CFH: variants seen among roughly 807,000 people sequenced by gnomAD.
The protein encoded by CFH is complement factor H.
CFH carries 53 observed loss-of-function variants against 147.3 expected under a neutral mutation model. That is an observed-to-expected ratio of 0.36 (90% CI 0.29 to 0.45). The LOEUF is 0.45. Among genes scored for constraint, CFH ranks in the 20% least tolerant of loss-of-function variants. The pLI is 1.00. For synonymous variants in CFH, 536 were observed against 489.4 expected, an observed-to-expected ratio of 1.10 and a Z score of -1.26; for missense variants, 1,380 against 1,498.0, an observed-to-expected ratio of 0.92 and a Z score of 1.30.
intron 9 of CFH, among the ~76,000 whole-genome samples, chr1:196,710,761 TCATA>T (rs1668706745): frequency 7.1e-6 from 1 of 141,704 alleles, no homozygotes; most frequent in African/African-American, 2.7e-5. Flanking sequence ...TTTAGTAAGA[TCATA>T]CAGTCTTACC....
Position 196,664,099 on chromosome 1 carries a change from CG to C in CFH, c.59-8877del, listed in dbSNP as rs1162042652. On this transcript the variant is annotated intron_variant, in intron 1 of 21. Coordinates refer to ENST00000367429, the MANE Select transcript of CFH (RefSeq NM_000186.4). ...TGTGACAGGGTCTCACCCTGTCTCT[CG>C]GCTGGAGTGCGGTGACATGATCATA... 2.0e-5 allele frequency among the ~76,000 whole-genome samples: 3 copies of C among 152,174 alleles called. No individual in the cohort carries two copies. In the East Asian group the frequency reaches 5.8e-4, roughly 29 times the overall value.
At chr1:196,694,347 T>C (rs536457682) in intron 9 of CFH, among the ~76,000 whole-genome samples, 1 of 152,240 alleles carries the variant, frequency 6.6e-6, no homozygotes, top group Non-Finnish European at 1.5e-5. Flanking sequence ...ATTCAATTTA[T>C]GGCTGCATAG....
At position 196,689,664 on chromosome 1, in the gene CFH, C is replaced by A. The variant is rs371278506; in HGVS notation, c.1159+50C>A. On this transcript the variant is annotated intron_variant, in intron 8 of 21. Coordinates refer to ENST00000367429, the MANE Select transcript of CFH (RefSeq NM_000186.4). ...ATATATGTATAAAACTTTCAAAGAT[C>A]GAAGAAAGGAGAGCACATAAGTGAT... 193 of 1,585,196 alleles carry A rather than the reference C, an allele frequency of 1.2e-4. 2 individuals are homozygous for A. The Middle Eastern group carries it at 2.2e-3, about 18-fold the overall frequency.
At chr1:196,681,812 A>G (rs1220199439) in intron 6 of CFH, among the ~76,000 whole-genome samples, 1 of 151,696 alleles carries the variant, frequency 6.6e-6, no homozygotes. Flanking sequence ...AAAGAATTCC[A>G]CTCTTTGTAT....
chr1:196,675,307 A>G (rs1434447049), intron 3 of CFH, among the ~76,000 whole-genome samples: 1 of 152,178 alleles, frequency 6.6e-6, no homozygotes, highest in Non-Finnish European at 1.5e-5. Flanking sequence ...TAAGTTCAAC[A>G]TTAGATGGCT....
Position 196,728,430 on chromosome 1 carries a change from A to G in CFH, c.2321A>G (p.Asn774Ser), listed in dbSNP as rs768578437. 18 of 1,610,862 alleles carry G rather than the reference A, an allele frequency of 1.1e-5. No homozygotes were observed. In the South Asian group the frequency reaches 1.8e-4, roughly 16 times the overall value. The stretch of plus-strand genomic sequence containing the variant: ...AAAAACAAGAAGGAATTCGATCATA[A>G]TTCTAACATAAGGTACAGATGTAGA... ...HLKNKKEFDH[N>S]SNIRYRCRGK... Residue 774 changes from asparagine to serine, a missense_variant, in exon 15 of 22, where the codon AAT (asparagine) becomes AGT (serine). By Grantham distance (46) the Asn-to-Ser change is conservative. Around this residue, in one of 4 missense-constraint regions of CFH, gnomAD observed 830 missense variants for 821.4 expected, o/e 1.01. Coordinates refer to ENST00000367429, the MANE Select transcript of CFH (RefSeq NM_000186.4).
chr1:196,652,471 G>A (rs1467362590), intron 1 of CFH, among the ~76,000 whole-genome samples: 1 of 151,832 alleles, frequency 6.6e-6, no homozygotes, highest in Admixed American at 6.6e-5. Flanking sequence ...ATCATAAAAT[G>A]TAATTTACTT....
chr1:196,716,877 A>G (rs1668881902), intron 11 of CFH, among the ~76,000 whole-genome samples: 1 of 152,078 alleles, frequency 6.6e-6, no homozygotes, highest in Non-Finnish European at 1.5e-5. Context: ...GAAAATCAAA[A>G]CTGGATATGT....
At chr1:196,715,502 T>C in intron 10 of CFH, 91 bp from the exon 11 acceptor site, 1 of 1,021,416 alleles carries the variant, frequency 9.8e-7, no homozygotes, top group East Asian at 2.4e-5. Context: ...GTAGATCTAA[T>C]CAATAAAGCT....
intron 5 of CFH, 128 bp from the exon 6 acceptor site, chr1:196,679,495 A>C: frequency 1.5e-6 from 1 of 664,418 alleles, no homozygotes; most frequent in African/African-American, 1.8e-5. Context: ...GTCAAGTCAA[A>C]ACAGAACTTT....
intron 10 of CFH, among the ~76,000 whole-genome samples, chr1:196,715,293 A>G (rs1445746293): frequency 1.4e-4 from 22 of 152,010 alleles, no homozygotes. Context: ...TATACCTGTA[A>G]TGGCCTGTTT....
rs145151370 is a variant in CFH at position 196,736,849 on chromosome 1, T to A, written c.2439T>A (p.Pro813=). ...CSMAQIQLCP[P]PPQIPNSHNM... is the part of the protein sequence containing the mutation. ...TGGCACAAATACAATTATGCCCACCTCCACCTCAGATTCCCAATTCTCACA... is the reference window on the plus strand; with the variant it reads ...TGGCACAAATACAATTATGCCCACCACCACCTCAGATTCCCAATTCTCACA... Residue 813 remains proline, a synonymous_variant, in exon 16 of 22, where the codon CCT becomes CCA. Transcript: ENST00000367429. 7.7e-5 allele frequency: 119 copies of A among 1,545,626 alleles called. No homozygotes were observed. Among genetic ancestry groups the A allele is most frequent in the Non-Finnish European group, 1.0e-4 (115 of 1,142,696 alleles).
chr1:196,689,351 T>A, intron 7 of CFH, 69 bp from the exon 8 acceptor site: 1 of 1,389,612 alleles, frequency 7.2e-7, no homozygotes, highest in Non-Finnish European at 1.0e-6. Context: ...GTGATAAAAA[T>A]TTATCTCTAA....
rs183353571 is a variant in CFH at position 196,702,869 on chromosome 1, T to C, written c.1337-10866T>C. 2.4e-4 allele frequency among the ~76,000 whole-genome samples: 37 copies of C among 152,176 alleles called. No homozygotes were observed. The East Asian group carries it at 6.8e-3, about 28-fold the overall frequency. On this transcript the variant is annotated intron_variant, in intron 9 of 21. Coordinates refer to ENST00000367429, the MANE Select transcript of CFH (RefSeq NM_000186.4). ...AAAGGAGTCTCAGTAAGGTCCAGGA[T>C]GGTCAAGCAGAAGCCTAATGAGGGT...
chr1:196,672,571 T>C (rs1040796241), intron 1 of CFH, among the ~76,000 whole-genome samples: 2 of 152,232 alleles, frequency 1.3e-5, no homozygotes, highest in African/African-American at 4.8e-5. Flanking sequence ...GGAAATGCTT[T>C]GAGAACAGAT....
intron 5 of CFH, 168 bp from the exon 6 acceptor site, chr1:196,679,455 A>C (rs1667576529): frequency 1.9e-6 from 1 of 516,330 alleles, no homozygotes; most frequent in East Asian, 3.2e-5. Flanking sequence ...CAGAATTTTA[A>C]CTTTCTTCAG....
chr1:196,706,891 T>C (rs1668603281), intron 9 of CFH, among the ~76,000 whole-genome samples: 1 of 152,154 alleles, frequency 6.6e-6, no homozygotes, highest in Non-Finnish European at 1.5e-5. Context: ...TAGCAGGAAA[T>C]TTTAAATACT....
At chr1:196,738,872 G>A (rs968610711) in intron 17 of CFH, among the ~76,000 whole-genome samples, 4 of 152,208 alleles carry the variant, frequency 2.6e-5, no homozygotes, top group African/African-American at 9.7e-5. Flanking sequence ...TGGCCTAGCA[G>A]AGGTTCTCCA....
At chr1:196,671,362 G>A (rs1388549963) in intron 1 of CFH, among the ~76,000 whole-genome samples, 4 of 151,462 alleles carry the variant, frequency 2.6e-5, no homozygotes, top group East Asian at 1.9e-4. Flanking sequence ...ATTCAAAATC[G>A]TATTTTTAAA....
Sources: allele counts gnomAD v4.1 joint callset (sites outside exome capture counted in the v4.1 genomes callset), GRCh38; gene constraint gnomAD v4.1.1; regional missense constraint gnomAD v4.1.1; transcripts MANE v1.5; gene names NCBI Gene and HGNC (gene_info 2026-07-23, HGNC 2026-07-21).